Variants in PLCH2 observed in about 807,000 individuals in gnomAD.
PLCH2 encodes the protein 1-phosphatidylinositol 4,5-bisphosphate phosphodiesterase eta-2.
PLCH2 carries 98 observed loss-of-function variants against 134.7 expected under a neutral mutation model. The ratio of observed to expected loss-of-function variants is 0.73; its 90% confidence interval spans 0.62 to 0.86. PLCH2 has a LOEUF of 0.86. Ranked by LOEUF, PLCH2 falls within the 40% of genes least tolerant of loss-of-function variation. The pLI, the probability that PLCH2 is intolerant of heterozygous loss-of-function variation, is 0.00. For synonymous variants in PLCH2, 974 were observed against 827.5 expected (o/e 1.18, Z -3.04); for missense variants, 1,994 against 1,986.6 (o/e 1.00, Z -0.07).
Position 2,484,500 on chromosome 1 carries a change from C to T in PLCH2, c.698C>T (p.Ala233Val), listed in dbSNP as rs752481428. The T allele has an allele frequency of 6.2e-7, 1 of 1,613,358 alleles. No individual in the cohort carries two copies. Among genetic ancestry groups the T allele is most frequent in the Middle Eastern group, 1.6e-4 (1 of 6,062 alleles). Reference sequence around the variant, plus strand: ...ACGCTGGGTTTTGAAGAGTTCTGTGCCTTCTACAAGATGATGTCCACCCGC... The same window carrying T: ...ACGCTGGGTTTTGAAGAGTTCTGTGTCTTCTACAAGATGATGTCCACCCGC... Reference protein sequence around the residue: ...QGTLGFEEFCAFYKMMSTRRD... With the variant: ...QGTLGFEEFCVFYKMMSTRRD... Residue 233 changes from alanine (A) to valine (V), a missense_variant, in exon 5 of 22, where the codon GCC (alanine) becomes GTC (valine). Ala to Val is a moderately conservative substitution (Grantham distance 64). Transcript: ENST00000378486.
chr1:2,495,767 G>A (rs2100714891), intron 13 of PLCH2, among the ~76,000 whole-genome samples, 197 bp downstream of exon 13: 1 of 152,274 alleles, frequency 6.6e-6, no homozygotes, highest in East Asian at 1.9e-4. Context: ...TGGGGGCAGG[G>A]GCGGCTGAGC....
intron 21 of PLCH2, chr1:2,503,381 TGCA>T: frequency 1.7e-6 from 1 of 586,954 alleles, no homozygotes; most frequent in South Asian, 2.0e-5. Context: ...GGGCAGGTAG[TGCA>T]GCTGCTGGGC....
At chr1:2,473,664 G>A (rs993794829), upstream of PLCH2, among the ~76,000 whole-genome samples, 1 of 152,202 alleles carries the variant, frequency 6.6e-6, no homozygotes, top group Non-Finnish European at 1.5e-5. Flanking sequence ...TTGGATCATG[G>A]CCTCACAGGG....
chr1:2,477,355 C>T (rs1641691324), intron 1 of PLCH2, among the ~76,000 whole-genome samples: 1 of 152,184 alleles, frequency 6.6e-6, no homozygotes, highest in Non-Finnish European at 1.5e-5. Flanking sequence ...AGCCCAGCCC[C>T]CCATGCCATG....
chr1:2,443,630 GC>G (rs1639794306), intron 2 of PLCH2, among the ~76,000 whole-genome samples: 1 of 149,866 alleles, frequency 6.7e-6, no homozygotes, highest in Non-Finnish European at 1.5e-5. Flanking sequence ...CGTCGCGCTC[GC>G]CCGGTTGCGC....
Position 2,495,536 on chromosome 1 carries a change from G to A in PLCH2, c.1801G>A (p.Glu601Lys). The A allele has an allele frequency of 6.4e-7, 1 of 1,551,768 alleles. No homozygotes were observed. The highest frequency in any genetic ancestry group is 8.7e-7 in the Non-Finnish European group (1 of 1,147,134). ...GGCGGCCAGCGTGGAGGAGGGAGAT[G>A]AGGGTCAGGACTCCCCGGGAGGCCA... ...KKAASVEEGD[E>K]GQDSPGGQSR... Residue 601 changes from glutamate (E) to lysine (K), a missense_variant, in exon 13 of 22, where the codon GAG becomes AAG. By Grantham distance (56) the Glu-to-Lys change is moderately conservative. This residue lies in a region of PLCH2 where 1,094 missense variants were observed against 1,234.3 expected (regional missense o/e 0.89). Transcript: ENST00000378486.
At chr1:2,470,738 C>A (rs977586861) in intron 1 of PLCH2, among the ~76,000 whole-genome samples, 1 of 152,212 alleles carries the variant, frequency 6.6e-6, no homozygotes. Context: ...GGAGCTGCAG[C>A]CCCCTCCCCT....
chr1:2,499,848 G>C, intron 20 of PLCH2, 128 bp downstream of exon 20: 1 of 728,550 alleles, frequency 1.4e-6, no homozygotes, highest in Admixed American at 2.1e-5. Flanking sequence ...TCCCCTCCCC[G>C]GGCCTCTGCT....
At chr1:2,489,054 C>T in intron 8 of PLCH2, among the ~76,000 whole-genome samples, 153 bp from the exon 9 acceptor site, 1 of 152,198 alleles carries the variant, frequency 6.6e-6, no homozygotes, top group Non-Finnish European at 1.5e-5. Context: ...TGGGCCACCT[C>T]CCAGAGCTGC....
chr1:2,487,498 C>A, intron 7 of PLCH2, 100 bp from the exon 8 acceptor site: 1 of 1,493,798 alleles, frequency 6.7e-7, no homozygotes, highest in Non-Finnish European at 9.1e-7. Context: ...CTGTGTCCCT[C>A]ACTGAGCAAT....
upstream of PLCH2, among the ~76,000 whole-genome samples, chr1:2,472,912 T>C (rs1641402986): frequency 1.3e-5 from 2 of 152,006 alleles, no homozygotes; most frequent in Admixed American, 6.5e-5. Flanking sequence ...GGTGTGTGTG[T>C]ACATGCCGGG....
At chr1:2,428,502 G>A (rs1433289917) in intron 1 of PLCH2, among the ~76,000 whole-genome samples, 1 of 152,378 alleles carries the variant, frequency 6.6e-6, no homozygotes, top group African/African-American at 2.4e-5. Flanking sequence ...TGGCTCGCCC[G>A]GTGCCGTGCT....
chr1:2,489,726 CA>C lies in PLCH2; in HGVS notation c.1408-33del, dbSNP rs532638534. On this transcript the variant is annotated intron_variant, in intron 9 of 21. Coordinates refer to ENST00000378486, the MANE Select transcript of PLCH2 (RefSeq NM_014638.4). ...GGTACTGGCTTCCCAGCATTTTCTC[CA>C]GGGCCCCTCCCATCATGCACCTCCT... 1,559 of 1,527,008 alleles carry C rather than the reference CA, an allele frequency of 1.0e-3. 3 individuals carry two copies. Among genetic ancestry groups the C allele is most frequent in the Non-Finnish European group, 1.3e-3 (1,400 of 1,101,196 alleles). The allele number at this position is 1,527,008 out of a possible 1,614,324, so 94.6% of individuals were successfully genotyped here. A position where few individuals can be genotyped will look rare whatever the true frequency, so the allele number is the denominator to read the frequency against.
intron 21 of PLCH2, chr1:2,502,620 G>C: frequency 1.5e-6 from 1 of 688,582 alleles, no homozygotes; most frequent in South Asian, 1.6e-5. Context: ...CAGCAGCCCC[G>C]GGCCCGGGCT....
rs577875530 is a variant in PLCH2 at position 2,456,658 on chromosome 1, A to G, written c.116-21818A>G. 2.5e-3 allele frequency among the ~76,000 whole-genome samples: 377 copies of G among 152,188 alleles called. 3 individuals carry two copies. Among genetic ancestry groups the G allele is most frequent in the Non-Finnish European group, 4.3e-3 (293 of 67,998 alleles). ...ACGCGGCCTCCGTCGGCTTCCTGCC[A>G]TGGCTGTAACTTGAGGGAGCCGCCC... On this transcript the variant is annotated intron_variant, in intron 2 of 3. Coordinates refer to the PLCH2 transcript ENST00000609981.
At chr1:2,481,090 A>C (rs1041074206) in intron 4 of PLCH2, among the ~76,000 whole-genome samples, 2 of 152,182 alleles carry the variant, frequency 1.3e-5, no homozygotes, top group African/African-American at 4.8e-5. Context: ...ACAGGCACAC[A>C]CATGCACACA....
At chr1:2,418,098 A>C in the PLCH2 span, among the ~76,000 whole-genome samples, 1 of 152,238 alleles carries the variant, frequency 6.6e-6, no homozygotes, top group Non-Finnish European at 1.5e-5. Flanking sequence ...GAGTCAGCGC[A>C]GTGAAGACGT....
intron 2 of PLCH2, among the ~76,000 whole-genome samples, chr1:2,460,122 C>G (rs34732885): frequency 0.15 from 22,766 of 152,338 alleles, 1,869 homozygotes; most frequent in East Asian, 0.28. Flanking sequence ...GCTGCTCTAG[C>G]CTGGCCTAAG....
rs766498995 is a variant in PLCH2 at position 2,504,167 on chromosome 1, G to A, written c.3205G>A (p.Glu1069Lys). 7.3e-5 allele frequency: 112 copies of A among 1,530,900 alleles called. No individual in the cohort carries two copies. Among genetic ancestry groups the A allele is most frequent in the East Asian group, 4.7e-4 (19 of 40,858 alleles). 94.8% of individuals were successfully genotyped at this position (1,530,900 alleles called of 1,614,324 possible). Residue 1069 changes from glutamate to lysine, a missense_variant, in exon 22 of 22, where the codon GAG (glutamate) becomes AAG (lysine). Physicochemically the swap from Glu to Lys is moderately conservative, Grantham distance 56. This residue lies in a region of PLCH2 where 900 missense variants were observed against 752.3 expected (regional missense o/e 1.20). Transcript: ENST00000378486. The stretch of plus-strand genomic sequence containing the variant: ...CGGCGAGGGCGCCGGCGGGGCATAC[G>A]AGAGGGCCCCCGGCAGCCAGACGGA... Reference protein sequence around the residue: ...CNGEGAGGAYERAPGSQTDGR... With the variant: ...CNGEGAGGAYKRAPGSQTDGR...
Sources: gnomAD v4.1 joint callset for allele counts (sites outside exome capture counted in the v4.1 genomes callset) on GRCh38, gnomAD v4.1.1 for gene constraint, gnomAD v4.1.1 regional missense constraint, MANE v1.5 for transcripts, NCBI Gene and HGNC (gene_info 2026-07-23, HGNC 2026-07-21) for gene names.